Variants in SH2D1A observed in about 807,000 individuals in gnomAD.
The protein encoded by SH2D1A is SH2 domain containing 1A.
SH2D1A carries 6 observed loss-of-function variants against 10.1 expected under a neutral mutation model. That is an observed-to-expected ratio of 0.60 (90% CI 0.33 to 1.18). The LOEUF (loss-of-function observed/expected upper bound fraction) is 1.18, where lower values mean the gene tolerates loss of function less well. Among genes scored for constraint, SH2D1A ranks in the 50% most tolerant of loss-of-function variants. The pLI, the probability that SH2D1A is intolerant of heterozygous loss-of-function variation, is 0.04. For synonymous variants in SH2D1A, 42 were observed against 36.9 expected, an observed-to-expected ratio of 1.14 and a Z score of -0.51; for missense variants, 51 against 97.6, an observed-to-expected ratio of 0.52 and a Z score of 2.01.
chrX:124,346,585 C>CA lies in SH2D1A; in HGVS notation c.-57dup. 3 of 1,191,043 alleles carry CA rather than the reference C, an allele frequency of 2.5e-6. No homozygotes were observed. The Admixed American group carries it at 6.5e-5, about 26-fold the overall frequency. ...GTTGACTTGTGCCTGGCTGCAGTAGCAGCGGCATCTCCCTTGCACAGTTCT... is the reference window on the plus strand; with the variant it reads ...GTTGACTTGTGCCTGGCTGCAGTAGCAAGCGGCATCTCCCTTGCACAGTTCT... On this transcript the variant is annotated 5_prime_UTR_variant, in exon 1 of 4. Coordinates refer to ENST00000371139, the MANE Select transcript of SH2D1A (RefSeq NM_002351.5).
intron 1 of SH2D1A, 52 bp downstream of exon 1, chrX:124,346,831 A>ACAG: frequency 1.7e-6 from 2 of 1,198,153 alleles, no homozygotes; most frequent in South Asian, 3.5e-5. Context: ...GCGGTGGGCA[A>ACAG]CAGCAGCTGG....
chrX:124,369,879 G>T (rs1219680653), intron 2 of SH2D1A, among the ~76,000 whole-genome samples: 2 of 111,009 alleles, frequency 1.8e-5, no homozygotes, highest in East Asian at 5.6e-4. Flanking sequence ...ACCCTTAGAG[G>T]TTTGAGATGT....
At chrX:124,351,108 T>TAA (rs1181137302) in intron 1 of SH2D1A, among the ~76,000 whole-genome samples, 1 of 95,751 alleles carries the variant, frequency 1.0e-5, no homozygotes, top group African/African-American at 3.8e-5. Context: ...TATATATTTA[T>TAA]ATATAAATTT....
intron 2 of SH2D1A, among the ~76,000 whole-genome samples, chrX:124,369,281 C>A (rs1324511136): frequency 9.0e-6 from 1 of 111,372 alleles, no homozygotes; most frequent in African/African-American, 3.3e-5. Context: ...CATAGCAATA[C>A]TATTTTATTT....
chrX:124,356,364 A>T (rs985731633), intron 1 of SH2D1A, among the ~76,000 whole-genome samples: 3 of 111,992 alleles, frequency 2.7e-5, no homozygotes, highest in Non-Finnish European at 5.6e-5. Context: ...TTTTATGTCA[A>T]CATAGTCCAC....
chrX:124,358,678 T>A (rs1214174928), intron 1 of SH2D1A, among the ~76,000 whole-genome samples: 1 of 112,362 alleles, frequency 8.9e-6, no homozygotes, highest in Non-Finnish European at 1.9e-5. Flanking sequence ...GGCACAGAAC[T>A]GCCCTGGGCA....
rs1342613924 is a variant in SH2D1A, at chrX:124,371,400, A to T, written c.*9A>T. On this transcript the variant is annotated 3_prime_UTR_variant, in exon 4 of 4. Transcript: ENST00000371139. ...GCCTGAAAGCCCCATGAAGAAAAAT[A>T]AAACACCTTGTACTTTATTTTCTAT... 1 of 1,101,985 alleles carries T rather than the reference A, an allele frequency of 9.1e-7. No individual in the cohort carries two copies. Among genetic ancestry groups the T allele is most frequent in the African/African-American group, 1.8e-5 (1 of 55,469 alleles). The allele number at this position is 1,101,985 out of a possible 1,213,427, so 90.8% of individuals were successfully genotyped here. A position where few individuals can be genotyped will look rare whatever the true frequency, so the allele number is the denominator to read the frequency against.
At chrX:124,349,383 A>G (rs2060002068) in intron 1 of SH2D1A, among the ~76,000 whole-genome samples, 1 of 111,947 alleles carries the variant, frequency 8.9e-6, no homozygotes, top group African/African-American at 3.2e-5. Context: ...CACTGTAATT[A>G]TAAAATCAGA....
chrX:124,350,800 A>T lies in SH2D1A; in HGVS notation c.137+4021A>T, dbSNP rs1399170154. Among the ~76,000 whole-genome samples, 9 of 6,026 alleles carry T rather than the reference A, an allele frequency of 1.5e-3. 1 individual carries two copies. Among genetic ancestry groups the T allele is most frequent in the African/African-American group, 2.6e-3 (1 of 383 alleles). The allele number at this position is 6,026 out of a possible 115,157, so 5.2% of individuals were successfully genotyped here. A position where few individuals can be genotyped will look rare whatever the true frequency, so the allele number is the denominator to read the frequency against. On this transcript the variant is annotated intron_variant, in intron 1 of 3. Transcript: ENST00000371139. Reference sequence around the variant, plus strand: ...GTATATAAGATATAATATATTATATATTGTATATAAGATATAATATATTAT... The same window carrying T: ...GTATATAAGATATAATATATTATATTTTGTATATAAGATATAATATATTAT...
chrX:124,357,700 T>C (rs1223995781), intron 1 of SH2D1A, among the ~76,000 whole-genome samples: 1 of 112,447 alleles, frequency 8.9e-6, no homozygotes, highest in African/African-American at 3.2e-5. Flanking sequence ...TGATATCTCA[T>C]TGTGGTTTCA....
At chrX:124,367,238 G>C (rs934551984) in intron 2 of SH2D1A, among the ~76,000 whole-genome samples, 1 of 111,909 alleles carries the variant, frequency 8.9e-6, no homozygotes, top group Non-Finnish European at 1.9e-5. Context: ...ATAGAAAATA[G>C]TTTAAAAAAT....
At chrX:124,358,489 A>G (rs1030459774) in intron 1 of SH2D1A, among the ~76,000 whole-genome samples, 1 of 112,486 alleles carries the variant, frequency 8.9e-6, no homozygotes, top group African/African-American at 3.2e-5. Context: ...TATGTTACAA[A>G]ATTACTGGTT....
At chrX:124,368,047 C>T (rs757388375) in intron 2 of SH2D1A, among the ~76,000 whole-genome samples, 7 of 111,755 alleles carry the variant, frequency 6.3e-5, no homozygotes, top group Non-Finnish European at 5.6e-5. Flanking sequence ...ATCAGATCCC[C>T]AATTCAAATA....
chrX:124,352,919 G>A (rs890954193), intron 1 of SH2D1A, among the ~76,000 whole-genome samples: 3 of 111,597 alleles, frequency 2.7e-5, no homozygotes. Context: ...ATAGGTTCTA[G>A]TGTTCAGTCG....
At position 124,372,948 on chromosome X, in the gene SH2D1A, A is replaced by G. The variant is rs1032419235; in HGVS notation, c.*1557A>G. The G allele has an allele frequency of 9.6e-5, 15 of 155,514 alleles. No homozygotes were observed. The Admixed American group carries it at 1.3e-3, about 13-fold the overall frequency. The allele number at this position is 155,514 out of a possible 1,213,427, so 12.8% of individuals were successfully genotyped here. On this transcript the variant is annotated 3_prime_UTR_variant, in exon 4 of 4. Transcript: ENST00000371139. ...ATCCTACTTTCATAATAAGTTGCAT[A>G]GGTTTAATAATTTTTAATTATATGG...
In SH2D1A at chrX:124,370,257, G is replaced by A. The variant is rs2060066039; in HGVS notation, c.283G>A (p.Val95Ile). The A allele has an allele frequency of 8.4e-7, 1 of 1,189,577 alleles. No individual in the cohort carries two copies. The highest frequency in any genetic ancestry group is 1.1e-6 in the Non-Finnish European group (1 of 875,237). Reference protein sequence around the residue: ...SAFQKPDQGIVIPLQYPVEKK... With the variant: ...SAFQKPDQGIIIPLQYPVEKK... Reference sequence around the variant, plus strand: ...ATTTCAGAAGCCAGATCAAGGCATTGTAATACCTCTGCAGTATCCAGTTGA... The same window carrying A: ...ATTTCAGAAGCCAGATCAAGGCATTATAATACCTCTGCAGTATCCAGTTGA... The change falls in exon 3 of 4, where the codon GTA becomes ATA. Residue 95 changes from valine (V) to isoleucine (I), a missense_variant. Physicochemically the swap from Val to Ile is conservative, Grantham distance 29. Transcript: ENST00000371139.
chrX:124,372,968 A>G lies in SH2D1A; in HGVS notation c.*1577A>G, dbSNP rs1305698279. Reference sequence around the variant, plus strand: ...TGCATAGGTTTAATAATTTTTAATTATATGGCTTGAGTTTAAATTGTAATA... The same window carrying G: ...TGCATAGGTTTAATAATTTTTAATTGTATGGCTTGAGTTTAAATTGTAATA... On this transcript the variant is annotated 3_prime_UTR_variant, in exon 4 of 4. Transcript: ENST00000371139. 6.4e-6 allele frequency: 1 copy of G among 155,661 alleles called. No individual in the cohort carries two copies. 12.8% of individuals were successfully genotyped at this position (155,661 alleles called of 1,213,427 possible). A position where few individuals can be genotyped will look rare whatever the true frequency, so the allele number is the denominator to read the frequency against.
rs924164933 is a variant in SH2D1A, at chrX:124,365,637, A to G, written c.138-124A>G. 26 of 515,818 alleles carry G rather than the reference A, an allele frequency of 5.0e-5. No homozygotes were observed. The African/African-American group carries it at 6.0e-4, about 12-fold the overall frequency. 42.5% of individuals were successfully genotyped at this position (515,818 alleles called of 1,213,427 possible). ...ATTCACTATGCTTTACTTCCTATGA[A>G]TGCAATGACACCATATACGTGTGTC... On this transcript the variant is annotated intron_variant, in intron 1 of 3. Coordinates refer to ENST00000371139, the MANE Select transcript of SH2D1A (RefSeq NM_002351.5).
intron 1 of SH2D1A, chrX:124,364,252 T>C: frequency 1.3e-5 from 2 of 155,810 alleles, no homozygotes; most frequent in Non-Finnish European, 2.5e-5. Context: ...ACCCTCTCTG[T>C]AGGCCTAGGC....
Sources: gnomAD v4.1 joint callset for allele counts (sites outside exome capture counted in the v4.1 genomes callset) on GRCh38, gnomAD v4.1.1 for gene constraint, MANE v1.5 for transcripts, NCBI Gene and HGNC (gene_info 2026-07-23, HGNC 2026-07-21) for gene names.